The following PAM variants were observed in gnomAD, a reference collection of about 807,000 sequenced individuals.
The protein encoded by PAM is peptidylglycine alpha-amidating monooxygenase.
In PAM, 72 loss-of-function variants were observed where a neutral mutation model predicts 122.1. The observed-to-expected ratio is 0.59, with a 90% CI of 0.49 to 0.72. PAM has a LOEUF of 0.72. Ranked by LOEUF, PAM falls within the 30% of genes least tolerant of loss-of-function variation. The pLI is 0.00. For missense variants in PAM, 1,106 were observed against 1,183.7 expected (o/e 0.93, Z 0.96); for synonymous variants, 389 against 404.4 (o/e 0.96, Z 0.46).
At chr5:103,025,956 G>T (rs533570120) in intron 24 of PAM, among the ~76,000 whole-genome samples, 2 of 152,106 alleles carry the variant, frequency 1.3e-5, no homozygotes, top group Non-Finnish European at 2.9e-5. Context: ...GTAACAAAAG[G>T]CATAAGAAGT....
chr5:103,000,148 TTA>T (rs1321133005), intron 16 of PAM, among the ~76,000 whole-genome samples: 1 of 152,226 alleles, frequency 6.6e-6, no homozygotes. Flanking sequence ...AGCACTCAAG[TTA>T]CACCTTGAAT....
intron 1 of PAM, among the ~76,000 whole-genome samples, chr5:102,837,503 A>G (rs1384607651): frequency 1.3e-5 from 2 of 152,216 alleles, no homozygotes. Flanking sequence ...TGCTTTTATG[A>G]TAACTTCAAC....
At chr5:102,972,291 A>AT (rs901829847) in intron 14 of PAM, among the ~76,000 whole-genome samples, 8 of 151,704 alleles carry the variant, frequency 5.3e-5, no homozygotes, top group African/African-American at 1.5e-4. Flanking sequence ...TTTAATTTTA[A>AT]TTTTTTTTGA....
chr5:102,965,760 C>G (rs1763909248), intron 14 of PAM, among the ~76,000 whole-genome samples: 1 of 151,982 alleles, frequency 6.6e-6, no homozygotes. Context: ...GGAAAATACC[C>G]CATGACCCCA....
At chr5:103,015,003 G>T (rs1454924628) in intron 21 of PAM, among the ~76,000 whole-genome samples, 2 of 152,270 alleles carry the variant, frequency 1.3e-5, no homozygotes. Context: ...AGAAAAAAAA[G>T]TGAGCCCAGA....
At chr5:102,774,773 G>A (rs1392620354) in intron 1 of PAM, among the ~76,000 whole-genome samples, 1 of 151,886 alleles carries the variant, frequency 6.6e-6, no homozygotes, top group Non-Finnish European at 1.5e-5. Flanking sequence ...AATTCATTTT[G>A]TCTCTTTGTT....
intron 3 of PAM, among the ~76,000 whole-genome samples, chr5:102,880,237 T>C (rs1163704466): frequency 6.6e-6 from 1 of 151,726 alleles, no homozygotes; most frequent in Non-Finnish European, 1.5e-5. Context: ...GCTAAGAGTG[T>C]GCTGCTGCAC....
At chr5:102,839,969 A>G (rs560511224) in intron 1 of PAM, among the ~76,000 whole-genome samples, 31 of 152,302 alleles carry the variant, frequency 2.0e-4, no homozygotes, top group African/African-American at 6.5e-4. Context: ...AATTAGAAAT[A>G]AGATGTGCTT....
chr5:102,769,049 G>T (rs1754989705), intron 1 of PAM, among the ~76,000 whole-genome samples: 1 of 152,092 alleles, frequency 6.6e-6, no homozygotes, highest in African/African-American at 2.4e-5. Flanking sequence ...ATTTTAACTG[G>T]GGTGAGATGA....
At chr5:102,920,944 A>C (rs1245859481) in intron 5 of PAM, among the ~76,000 whole-genome samples, 1 of 152,104 alleles carries the variant, frequency 6.6e-6, no homozygotes, top group Non-Finnish European at 1.5e-5. Flanking sequence ...TCGAAATGAC[A>C]AGCTACCATT....
At chr5:102,814,018 G>C (rs1363217112) in intron 1 of PAM, among the ~76,000 whole-genome samples, 4 of 152,148 alleles carry the variant, frequency 2.6e-5, no homozygotes, top group African/African-American at 9.7e-5. Context: ...CAAAAACTAA[G>C]GAGTCTGTGG....
chr5:102,947,294 A>C (rs916051397), intron 8 of PAM, among the ~76,000 whole-genome samples: 1 of 152,168 alleles, frequency 6.6e-6, no homozygotes, highest in African/African-American at 2.4e-5. Flanking sequence ...GAAAGTAAGC[A>C]AAAAAAGGAA....
At chr5:102,879,120 C>T (rs1421002091) in intron 3 of PAM, among the ~76,000 whole-genome samples, 7 of 151,832 alleles carry the variant, frequency 4.6e-5, no homozygotes, top group Non-Finnish European at 7.4e-5. Flanking sequence ...TTAGTAGAGA[C>T]GGGGTTTCAC....
intron 1 of PAM, among the ~76,000 whole-genome samples, chr5:102,825,305 G>A (rs747027405): frequency 3.9e-5 from 6 of 151,952 alleles, no homozygotes; most frequent in Non-Finnish European, 7.4e-5. Flanking sequence ...CTTCAACATC[G>A]CTGGCTTTCA....
Position 102,820,018 on chromosome 5 carries a change from G to A in PAM, c.-373-45805G>A, listed in dbSNP as rs534924359. On this transcript the variant is annotated intron_variant, in intron 1 of 25. Transcript: ENST00000438793. ...TAGCTGAAGGCATCAAATAATTTAT[G>A]CAAAAAATACATATATTTTTATCAC... Among the ~76,000 whole-genome samples, 339 of 152,088 alleles carry A rather than the reference G, an allele frequency of 2.2e-3. 1 individual carries two copies. The highest frequency in any genetic ancestry group is 7.7e-3 in the African/African-American group (319 of 41,474).
At position 103,007,492 on chromosome 5, in the gene PAM, A is replaced by G. The variant is rs777761223; in HGVS notation, c.2050A>G (p.Thr684Ala). The G allele has an allele frequency of 4.2e-5, 68 of 1,613,824 alleles. No individual in the cohort carries two copies. Among genetic ancestry groups the G allele is most frequent in the Non-Finnish European group, 5.3e-5 (63 of 1,179,962 alleles). ...SGSSPLPGQF[T>A]VPHSLALVPL... ...GAGCAGTCCTCTGCCAGGCCAGTTC[A>G]CTGTTCCTCACAGCTTGGCTCTTGT... Residue 684 changes from threonine (T) to alanine (A), a missense_variant, in exon 20 of 26, where the codon ACT (threonine) becomes GCT (alanine). Coordinates refer to ENST00000438793, the MANE Select transcript of PAM (RefSeq NM_001177306.2).
intron 12 of PAM, among the ~76,000 whole-genome samples, chr5:102,957,652 C>T (rs1181531509): frequency 6.6e-6 from 1 of 152,056 alleles, no homozygotes; most frequent in Non-Finnish European, 1.5e-5. Flanking sequence ...GCCTCAGCCT[C>T]TTGAGTAGTT....
chr5:102,901,500 G>A (rs1031619432), intron 4 of PAM, 87 bp downstream of exon 4: 3 of 766,768 alleles, frequency 3.9e-6, no homozygotes, highest in East Asian at 5.1e-5. Context: ...AGGGTTATGA[G>A]CATATTAATC....
At position 102,915,160 on chromosome 5, in the gene PAM, G is replaced by A. The variant is rs78829943; in HGVS notation, c.356+1139G>A. 5.6e-3 allele frequency among the ~76,000 whole-genome samples: 858 copies of A among 152,170 alleles called. 10 individuals carry two copies. The highest frequency in any genetic ancestry group is 0.019 in the African/African-American group (782 of 41,556). ...CACATTTAATAGTCCGAAATGACTG[G>A]TGTGCTTTGCTTTGCACTGAGGAAT... On this transcript the variant is annotated intron_variant, in intron 5 of 25. Coordinates refer to ENST00000438793, the MANE Select transcript of PAM (RefSeq NM_001177306.2).
Sources: gnomAD v4.1 joint callset for allele counts (sites outside exome capture counted in the v4.1 genomes callset) on GRCh38, gnomAD v4.1.1 for gene constraint, MANE v1.5 for transcripts, NCBI Gene and HGNC (gene_info 2026-07-23, HGNC 2026-07-21) for gene names.